NRG1: variants seen among roughly 807,000 people sequenced by gnomAD.
NRG1 encodes the protein pro-neuregulin-1, membrane-bound isoform.
Under a neutral mutation model 63.8 loss-of-function variants are expected in NRG1, and 18 were observed. The ratio of observed to expected loss-of-function variants is 0.28; its 90% confidence interval spans 0.19 to 0.42. NRG1 has a LOEUF of 0.42. Among genes scored for constraint, NRG1 ranks in the 10% least tolerant of loss-of-function variants. The pLI, the probability that NRG1 is intolerant of heterozygous loss-of-function variation, is 1.00. For synonymous variants in NRG1, 302 were observed against 301.3 expected (o/e 1.00, Z -0.02); for missense variants, 762 against 814.7 (o/e 0.94, Z 0.79).
At chr8:31,856,987 C>A (rs543847085) in intron 1 of NRG1, among the ~76,000 whole-genome samples, 1 of 134,446 alleles carries the variant, frequency 7.4e-6, no homozygotes, top group South Asian at 2.5e-4. Context: ...TCTCCAGCTG[C>A]GTGCTGGGAG....
chr8:31,779,935 A>G, intron 1 of NRG1, among the ~76,000 whole-genome samples: 1 of 152,248 alleles, frequency 6.6e-6, no homozygotes, highest in Non-Finnish European at 1.5e-5. Flanking sequence ...CTAGTGCAAT[A>G]TACTTATTTG....
At chr8:32,485,537 G>A (rs1001892666) in intron 1 of NRG1, among the ~76,000 whole-genome samples, 2 of 152,148 alleles carry the variant, frequency 1.3e-5, no homozygotes, top group African/African-American at 4.8e-5. Context: ...CAGAGTCCCT[G>A]TCTTTTTTAT....
At chr8:32,141,119 C>A (rs1200846108) in intron 1 of NRG1, among the ~76,000 whole-genome samples, 1 of 151,972 alleles carries the variant, frequency 6.6e-6, no homozygotes, top group Non-Finnish European at 1.5e-5. Context: ...TCATCTAATT[C>A]TTAGGAAACT....
chr8:31,976,316 G>A (rs925219787), intron 1 of NRG1, among the ~76,000 whole-genome samples: 1 of 152,024 alleles, frequency 6.6e-6, no homozygotes, highest in Non-Finnish European at 1.5e-5. Flanking sequence ...TACCTTAAAC[G>A]CATTCTGGGT....
intron 1 of NRG1, among the ~76,000 whole-genome samples, chr8:32,377,042 G>A (rs757504385): frequency 6.6e-5 from 10 of 152,126 alleles, no homozygotes; most frequent in Non-Finnish European, 1.3e-4. Flanking sequence ...ATGCAGAAGC[G>A]AATTTCATCT....
At chr8:31,825,836 A>T (rs1161439674) in intron 1 of NRG1, among the ~76,000 whole-genome samples, 1 of 152,196 alleles carries the variant, frequency 6.6e-6, no homozygotes, top group East Asian at 1.9e-4. Flanking sequence ...ATGCCTATTG[A>T]GTGTCAGTCA....
At chr8:32,408,809 C>T (rs915247259) in intron 1 of NRG1, among the ~76,000 whole-genome samples, 1 of 152,072 alleles carries the variant, frequency 6.6e-6, no homozygotes, top group African/African-American at 2.4e-5. Context: ...ATGGATATAA[C>T]TCTGGTCTTT....
chr8:32,620,521 G>T, intron 5 of NRG1, among the ~76,000 whole-genome samples: 2 of 122,190 alleles, frequency 1.6e-5, no homozygotes, highest in East Asian at 2.4e-4. Flanking sequence ...TGGATTAGAA[G>T]AAAAAAAAAA....
intron 1 of NRG1, among the ~76,000 whole-genome samples, chr8:32,045,934 A>C (rs968467402): frequency 1.3e-5 from 2 of 152,066 alleles, no homozygotes; most frequent in Admixed American, 6.6e-5. Flanking sequence ...TATATTTGAT[A>C]ATTTAAATTG....
intron 5 of NRG1, among the ~76,000 whole-genome samples, chr8:32,699,643 T>C (rs1200232482): frequency 6.6e-6 from 1 of 152,206 alleles, no homozygotes; most frequent in Non-Finnish European, 1.5e-5. Context: ...TACTTCTTAT[T>C]TTATGTCACC....
At chr8:31,910,568 T>C (rs1304969738) in intron 1 of NRG1, among the ~76,000 whole-genome samples, 1 of 152,090 alleles carries the variant, frequency 6.6e-6, no homozygotes, top group African/African-American at 2.4e-5. Flanking sequence ...ACTGTGGAAA[T>C]GTCACATTTG....
chr8:31,676,068 C>T (rs1456442903), intron 1 of NRG1, among the ~76,000 whole-genome samples: 1 of 152,074 alleles, frequency 6.6e-6, no homozygotes, highest in Non-Finnish European at 1.5e-5. Flanking sequence ...GGGCTTATTT[C>T]CATCTCAAGC....
At chr8:31,877,248 G>C (rs189833114) in intron 1 of NRG1, among the ~76,000 whole-genome samples, 1 of 152,064 alleles carries the variant, frequency 6.6e-6, no homozygotes, top group Non-Finnish European at 1.5e-5. Flanking sequence ...TTCGAACTCC[G>C]AAGACACCAG....
At chr8:31,931,789 G>A (rs1460161466) in intron 1 of NRG1, among the ~76,000 whole-genome samples, 1 of 152,134 alleles carries the variant, frequency 6.6e-6, no homozygotes, top group African/African-American at 2.4e-5. Flanking sequence ...CTGATGGTGG[G>A]GTCCAAGGGC....
intron 1 of NRG1, among the ~76,000 whole-genome samples, chr8:31,900,139 A>C (rs73578546): frequency 3.3e-3 from 500 of 152,342 alleles, no homozygotes; most frequent in African/African-American, 0.011. Flanking sequence ...GAATAAGAGA[A>C]TAATGTTGTA....
intron 1 of NRG1, among the ~76,000 whole-genome samples, chr8:32,054,734 A>G (rs12548779): frequency 0.39 from 59,935 of 151,828 alleles, 12,162 homozygotes; most frequent in East Asian, 0.65. Flanking sequence ...ACATATCAAG[A>G]AATTAGTGTC....
chr8:32,432,967 A>G (rs1818333728), intron 1 of NRG1, among the ~76,000 whole-genome samples: 1 of 152,122 alleles, frequency 6.6e-6, no homozygotes, highest in African/African-American at 2.4e-5. Context: ...GAGTTTGATG[A>G]CTGTGTATTT....
intron 1 of NRG1, among the ~76,000 whole-genome samples, chr8:32,282,530 T>C (rs568040451): frequency 3.3e-5 from 5 of 152,298 alleles, no homozygotes; most frequent in South Asian, 2.1e-4. Flanking sequence ...TTTTCTCTAA[T>C]TGCTTCCAAT....
At chr8:32,760,806 G>T in intron 11 of NRG1, 1 of 1,019,298 alleles carries the variant, frequency 9.8e-7, no homozygotes, top group Non-Finnish European at 1.2e-6. Context: ...ACTCTGATTC[G>T]GTGGTCGAGC....
Sources: gnomAD v4.1 joint callset for allele counts (sites outside exome capture counted in the v4.1 genomes callset) on GRCh38, gnomAD v4.1.1 for gene constraint, MANE v1.5 for transcripts, NCBI Gene and HGNC (gene_info 2026-07-23, HGNC 2026-07-21) for gene names.